Variants in SGCZ observed in about 807,000 individuals in gnomAD.
SGCZ encodes the protein zeta-sarcoglycan.
Under a neutral mutation model 41.3 loss-of-function variants are expected in SGCZ, and 40 were observed. The observed-to-expected ratio is 0.97, with a 90% confidence interval of 0.75 to 1.26. The LOEUF is 1.26. SGCZ is among the 50% of genes most tolerant of loss of function. The pLI is 0.00. For missense variants in SGCZ, 552 were observed against 369.8 expected (o/e 1.49, Z -4.04); for synonymous variants, 206 against 137.5 (o/e 1.50, Z -3.49).
rs1017845895 is a variant in SGCZ at position 14,983,794 on chromosome 8, A to C, written c.39+253791T>G. 3.3e-5 allele frequency among the ~76,000 whole-genome samples: 5 copies of C among 152,242 alleles called. No individual in the cohort carries two copies. In the East Asian group the frequency reaches 9.6e-4, roughly 29 times the overall value. On this transcript the variant is annotated intron_variant, in intron 1 of 7. Coordinates refer to ENST00000382080, the MANE Select transcript of SGCZ (RefSeq NM_139167.4). ...GGAGGGTACTGGGCCCTGGTTTTCT[A>C]CTGCCTGAGCTCCTCCATATTTTAC... is the stretch of plus-strand genomic sequence containing the variant.
intron 2 of SGCZ, among the ~76,000 whole-genome samples, chr8:14,461,339 G>A (rs924048856): frequency 3.3e-5 from 5 of 152,174 alleles, no homozygotes; most frequent in Admixed American, 2.6e-4. Flanking sequence ...AATGAATATA[G>A]CTTACCCCAG....
chr8:14,733,499 C>G (rs1798934308), intron 1 of SGCZ, among the ~76,000 whole-genome samples: 2 of 152,168 alleles, frequency 1.3e-5, no homozygotes, highest in Admixed American at 6.5e-5. Flanking sequence ...CTGATTAAAA[C>G]AAATTTCAGT....
intron 2 of SGCZ, among the ~76,000 whole-genome samples, chr8:14,501,063 CTG>C (rs1405870624): frequency 1.3e-5 from 2 of 151,902 alleles, no homozygotes; most frequent in Non-Finnish European, 2.9e-5. Context: ...CAAAATCAAG[CTG>C]TTAGTAGGGT....
chr8:14,542,899 C>G (rs918684170), intron 2 of SGCZ, among the ~76,000 whole-genome samples: 3 of 151,470 alleles, frequency 2.0e-5, no homozygotes, highest in Non-Finnish European at 4.4e-5. Flanking sequence ...CTACTATTAC[C>G]TTTTTTTTAA....
At chr8:14,568,055 T>C (rs1193224069) in intron 1 of SGCZ, among the ~76,000 whole-genome samples, 1 of 148,838 alleles carries the variant, frequency 6.7e-6, no homozygotes, top group Admixed American at 6.6e-5. Context: ...CTTTCAGTGT[T>C]GGTATTAAGA....
intron 3 of SGCZ, among the ~76,000 whole-genome samples, chr8:14,241,326 A>T (rs1029740248): frequency 2.6e-5 from 4 of 151,404 alleles, no homozygotes; most frequent in African/African-American, 9.7e-5. Context: ...ATATTTTCTC[A>T]TGGAATAGTA....
At chr8:14,870,226 G>T (rs1255165209) in intron 1 of SGCZ, among the ~76,000 whole-genome samples, 2 of 152,034 alleles carry the variant, frequency 1.3e-5, no homozygotes, top group Non-Finnish European at 2.9e-5. Flanking sequence ...AGAACAGATA[G>T]ATAGACCAAT....
intron 1 of SGCZ, among the ~76,000 whole-genome samples, chr8:14,627,054 G>A (rs963635421): frequency 6.6e-6 from 1 of 152,056 alleles, no homozygotes; most frequent in Non-Finnish European, 1.5e-5. Context: ...CTTTAATCTT[G>A]AACCTAACAT....
intron 1 of SGCZ, among the ~76,000 whole-genome samples, chr8:14,596,098 G>A (rs1348196064): frequency 6.6e-6 from 1 of 152,226 alleles, no homozygotes; most frequent in Non-Finnish European, 1.5e-5. Context: ...CAGACAGGTT[G>A]TGGTCTTTAT....
intron 2 of SGCZ, among the ~76,000 whole-genome samples, chr8:14,427,180 A>T (rs1369518678): frequency 1.3e-5 from 2 of 152,228 alleles, no homozygotes; most frequent in Middle Eastern, 3.4e-3. Flanking sequence ...CTCTTTGCCA[A>T]AGGAACTTGC....
intron 5 of SGCZ, among the ~76,000 whole-genome samples, chr8:14,112,001 T>C (rs1802384760): frequency 6.6e-6 from 1 of 152,162 alleles, no homozygotes; most frequent in Non-Finnish European, 1.5e-5. Flanking sequence ...TGTTATATCC[T>C]ACGCTACTCA....
chr8:14,399,441 T>C (rs757965591), intron 2 of SGCZ, among the ~76,000 whole-genome samples: 6 of 152,122 alleles, frequency 3.9e-5, no homozygotes, highest in Admixed American at 6.6e-5. Flanking sequence ...GACTTCTGTT[T>C]TTTAAAATGT....
chr8:14,262,103 G>A (rs1799689269), intron 3 of SGCZ, among the ~76,000 whole-genome samples: 2 of 152,128 alleles, frequency 1.3e-5, no homozygotes, highest in South Asian at 2.1e-4. Context: ...ATGATCACAT[G>A]AGTATCAATT....
intron 1 of SGCZ, among the ~76,000 whole-genome samples, chr8:14,586,681 T>C (rs924932984): frequency 6.6e-6 from 1 of 152,198 alleles, no homozygotes. Context: ...CTCATTACTG[T>C]GGTCAAAACT....
At chr8:14,436,188 G>A (rs570377590) in intron 2 of SGCZ, among the ~76,000 whole-genome samples, 1 of 152,190 alleles carries the variant, frequency 6.6e-6, no homozygotes, top group East Asian at 1.9e-4. Context: ...TGTTCCTATT[G>A]GCCAAATCCA....
chr8:14,192,915 T>C (rs996272652), intron 4 of SGCZ, among the ~76,000 whole-genome samples: 1 of 152,062 alleles, frequency 6.6e-6, no homozygotes, highest in African/African-American at 2.4e-5. Flanking sequence ...ATGTTTATGA[T>C]TGGTGTACAT....
At position 15,052,314 on chromosome 8, in the gene SGCZ, G is replaced by T. The variant is rs970251219; in HGVS notation, c.39+185271C>A. Among the ~76,000 whole-genome samples, 30 of 152,220 alleles carry T rather than the reference G, an allele frequency of 2.0e-4. 1 individual carries two copies. Among genetic ancestry groups the T allele is most frequent in the Admixed American group, 2.0e-3 (30 of 15,280 alleles). On this transcript the variant is annotated intron_variant, in intron 1 of 7. Coordinates refer to ENST00000382080, the MANE Select transcript of SGCZ (RefSeq NM_139167.4). ...GTACACATTCAGCTTTCAGTGAAAT[G>T]AAGAAGATGAAAAGAGGAGATAAGG... is the stretch of plus-strand genomic sequence containing the variant.
chr8:14,393,683 G>A (rs966175688), intron 2 of SGCZ, among the ~76,000 whole-genome samples: 3 of 152,044 alleles, frequency 2.0e-5, no homozygotes, highest in Non-Finnish European at 4.4e-5. Flanking sequence ...TTAAACCTCT[G>A]TTGCTCAATT....
chr8:14,182,457 T>C (rs10095928), intron 4 of SGCZ, among the ~76,000 whole-genome samples: 1,715 of 152,190 alleles, frequency 0.011, 29 homozygotes, highest in African/African-American at 0.04. Flanking sequence ...TCCAAAGCTG[T>C]CCTGTTGCCA....
Sources: gnomAD v4.1 joint callset for allele counts (sites outside exome capture counted in the v4.1 genomes callset) on GRCh38, gnomAD v4.1.1 for gene constraint, MANE v1.5 for transcripts, NCBI Gene and HGNC (gene_info 2026-07-23, HGNC 2026-07-21) for gene names.